The following HPCAL1 variants were observed in gnomAD, a reference collection of about 807,000 sequenced individuals.
The protein encoded by HPCAL1 is hippocalcin-like protein 1.
HPCAL1 carries 8 observed loss-of-function variants against 17.1 expected under a neutral mutation model. That is an observed-to-expected ratio of 0.47 (90% CI 0.27 to 0.84). The LOEUF is 0.84. Among genes scored for constraint, HPCAL1 ranks in the 40% least tolerant of loss-of-function variants. HPCAL1 has a pLI of 0.13. For missense variants in HPCAL1, 165 were observed against 271.1 expected, an observed-to-expected ratio of 0.61 and a Z score of 2.75; for synonymous variants, 112 against 111.4, an observed-to-expected ratio of 1.01 and a Z score of -0.03.
chr2:10,389,349 T>C (rs969725917), intron 1 of HPCAL1, among the ~76,000 whole-genome samples: 2 of 152,250 alleles, frequency 1.3e-5, no homozygotes, highest in Non-Finnish European at 2.9e-5. Flanking sequence ...GAACAGTCCC[T>C]CTGCTGCCGC....
intron 1 of HPCAL1, among the ~76,000 whole-genome samples, chr2:10,388,299 A>G (rs1459223746): frequency 6.6e-6 from 1 of 152,202 alleles, no homozygotes; most frequent in Non-Finnish European, 1.5e-5. Flanking sequence ...CTTCCAGAAC[A>G]GGAGGTGCCT....
In HPCAL1 at chr2:10,344,426, T is replaced by C. The variant is rs1462222517; in HGVS notation, c.-111+41249T>C. On this transcript the variant is annotated intron_variant, in intron 1 of 4. Transcript: ENST00000307845. This position sits in a 1 kb window ranked among gnomAD's most constrained non-coding sequence, Gnocchi z 4.9. ...CGTTTATCCAGGAAGCCAGAACCAG[T>C]GCACATCTGTTAAGCGCATGCACCA... Among the ~76,000 whole-genome samples, 1 of 152,218 alleles carries C rather than the reference T, an allele frequency of 6.6e-6. No homozygotes were observed. The highest frequency in any genetic ancestry group is 6.5e-5 in the Admixed American group (1 of 15,280).
intron 1 of HPCAL1, among the ~76,000 whole-genome samples, chr2:10,387,410 G>T (rs1668388093): frequency 6.6e-6 from 1 of 152,194 alleles, no homozygotes; most frequent in South Asian, 2.1e-4. Context: ...AGAAGCGCTT[G>T]GTGTATTCCC....
chr2:10,355,375 C>T (rs1171683542), intron 1 of HPCAL1, among the ~76,000 whole-genome samples: 10 of 136,182 alleles, frequency 7.3e-5, no homozygotes, highest in Admixed American at 1.6e-4. Flanking sequence ...GGCGTGAACC[C>T]GGGAGGCGGA....
At position 10,313,235 on chromosome 2, in the gene HPCAL1, C is replaced by T. The variant is rs558438998; in HGVS notation, c.-111+10058C>T. On this transcript the variant is annotated intron_variant, in intron 1 of 4. Transcript: ENST00000307845. The stretch of plus-strand genomic sequence containing the variant: ...TCTGTGGAGCTCTCCTTTGTCCCTC[C>T]AGGGAGGACAAATTCTGGCTGGAGC... Among the ~76,000 whole-genome samples, 8 of 152,316 alleles carry T rather than the reference C, an allele frequency of 5.3e-5. No homozygotes were observed. In the South Asian group the frequency reaches 1.7e-3, roughly 32 times the overall value.
At chr2:10,373,854 G>A (rs1667381793) in intron 1 of HPCAL1, among the ~76,000 whole-genome samples, 1 of 152,196 alleles carries the variant, frequency 6.6e-6, no homozygotes, top group Non-Finnish European at 1.5e-5. Flanking sequence ...TCTTACCAAG[G>A]TCAAATCTTT....
At chr2:10,314,403 A>T (rs1164939816) in intron 1 of HPCAL1, among the ~76,000 whole-genome samples, 2 of 152,080 alleles carry the variant, frequency 1.3e-5, no homozygotes, top group African/African-American at 4.8e-5. Context: ...AACTTCCTAT[A>T]TTAAGGAGGC....
At chr2:10,346,441 C>T (rs1304202081) in intron 1 of HPCAL1, among the ~76,000 whole-genome samples, 2 of 152,210 alleles carry the variant, frequency 1.3e-5, no homozygotes, top group Non-Finnish European at 2.9e-5. Flanking sequence ...TTAACTTTGT[C>T]TGCCTGGCCC....
chr2:10,318,792 T>C (rs1663485912), intron 1 of HPCAL1, among the ~76,000 whole-genome samples: 1 of 152,102 alleles, frequency 6.6e-6, no homozygotes, highest in East Asian at 1.9e-4. Flanking sequence ...GTGTAATGGG[T>C]AGTGAACAGG....
At chr2:10,321,801 C>T (rs575696617) in intron 1 of HPCAL1, among the ~76,000 whole-genome samples, 11 of 152,336 alleles carry the variant, frequency 7.2e-5, no homozygotes, top group African/African-American at 2.4e-4. Flanking sequence ...ATCTGTACTG[C>T]ATGCCTGTAG....
rs776183376 is a variant in HPCAL1 at position 10,363,377 on chromosome 2, G to A, written c.-110-33458G>A. On this transcript the variant is annotated intron_variant, in intron 1 of 4. Coordinates refer to ENST00000307845, the MANE Select transcript of HPCAL1 (RefSeq NM_002149.4). This position sits in a 1 kb window ranked among gnomAD's most constrained non-coding sequence, Gnocchi z 4.7. ...TGGGGGTGCTGGGCAGACGTTTACCGTCCAGCACCCCCATTTCTGCTGCTC... is the reference window on the plus strand; with the variant it reads ...TGGGGGTGCTGGGCAGACGTTTACCATCCAGCACCCCCATTTCTGCTGCTC... Among the ~76,000 whole-genome samples, 17 of 152,272 alleles carry A rather than the reference G, an allele frequency of 1.1e-4. No individual in the cohort carries two copies. The highest frequency in any genetic ancestry group is 5.8e-4 in the East Asian group (3 of 5,178).
intron 1 of HPCAL1, among the ~76,000 whole-genome samples, chr2:10,353,599 GCT>G (rs1008195659): frequency 5.9e-5 from 9 of 152,180 alleles, no homozygotes; most frequent in African/African-American, 2.2e-4. Context: ...ACAGGATCTT[GCT>G]CTCTCACCCA....
rs761457367 is a variant in HPCAL1, at chr2:10,363,610, A to T, written c.-110-33225A>T. The stretch of plus-strand genomic sequence containing the variant: ...TCCTGTCAGAACCACCGGGGAGCTC[A>T]CAAGCTAAAGTGCAGATTCCTGGGT... On this transcript the variant is annotated intron_variant, in intron 1 of 4. Transcript: ENST00000307845. This position sits in a 1 kb window ranked among gnomAD's most constrained non-coding sequence, Gnocchi z 4.7. 3.9e-5 allele frequency among the ~76,000 whole-genome samples: 6 copies of T among 152,208 alleles called. No individual in the cohort carries two copies. Among genetic ancestry groups the T allele is most frequent in the Non-Finnish European group, 7.3e-5 (5 of 68,032 alleles).
In HPCAL1 at chr2:10,365,398, G is replaced by A. The variant is rs1666786566; in HGVS notation, c.-110-31437G>A. On this transcript the variant is annotated intron_variant, in intron 1 of 4. Coordinates refer to ENST00000307845, the MANE Select transcript of HPCAL1 (RefSeq NM_002149.4). This position sits in a 1 kb window ranked among gnomAD's most constrained non-coding sequence, Gnocchi z 4.8. ...TAAATACACCTCGTGTCATGGAGAT[G>A]GGCAGACGAGGTGCCAGCTATTTGA... Among the ~76,000 whole-genome samples, 2 of 152,210 alleles carry A rather than the reference G, an allele frequency of 1.3e-5. No individual in the cohort carries two copies. The highest frequency in any genetic ancestry group is 1.3e-4 in the Admixed American group (2 of 15,282).
intron 2 of HPCAL1, among the ~76,000 whole-genome samples, chr2:10,402,383 G>A (rs1272653784): frequency 1.3e-5 from 2 of 152,184 alleles, no homozygotes; most frequent in Non-Finnish European, 1.5e-5. Context: ...GGGTGGGTGC[G>A]TTGCCACAAC....
chr2:10,415,746 C>A (rs1265087836), intron 2 of HPCAL1, among the ~76,000 whole-genome samples: 2 of 152,216 alleles, frequency 1.3e-5, no homozygotes, highest in African/African-American at 4.8e-5. Context: ...AAGTTGACCA[C>A]CTCCCCAAGG....
Position 10,343,106 on chromosome 2 carries a change from G to A in HPCAL1, c.-111+39929G>A, listed in dbSNP as rs752511591. On this transcript the variant is annotated intron_variant, in intron 1 of 4. Coordinates refer to ENST00000307845, the MANE Select transcript of HPCAL1 (RefSeq NM_002149.4). This position sits in a 1 kb window ranked among gnomAD's most constrained non-coding sequence, Gnocchi z 4.8. ...GCCCTGTGTGTTTCCAAGTGGGCCC[G>A]CAGCTCTGATGTGCAGTGGGTATGC... Among the ~76,000 whole-genome samples the A allele has an allele frequency of 1.3e-5, 2 of 152,174 alleles. No individual in the cohort carries two copies. Among genetic ancestry groups the A allele is most frequent in the Non-Finnish European group, 2.9e-5 (2 of 68,030 alleles).
chr2:10,335,493 A>T (rs1351009393), intron 1 of HPCAL1, among the ~76,000 whole-genome samples: 1 of 152,176 alleles, frequency 6.6e-6, no homozygotes, highest in Non-Finnish European at 1.5e-5. Flanking sequence ...CTCATGAGAG[A>T]CCTTGAGCCA....
chr2:10,422,328 C>G (rs1448452128), intron 3 of HPCAL1, among the ~76,000 whole-genome samples: 1 of 152,242 alleles, frequency 6.6e-6, no homozygotes, highest in Non-Finnish European at 1.5e-5. Context: ...AGTGCCACCA[C>G]TCCCCACGCA....
Sources: gnomAD v4.1 joint callset for allele counts (sites outside exome capture counted in the v4.1 genomes callset) on GRCh38, gnomAD v4.1.1 for gene constraint, Gnocchi (gnomAD v3.1) non-coding constraint, MANE v1.5 for transcripts, NCBI Gene and HGNC (gene_info 2026-07-23, HGNC 2026-07-21) for gene names.